The following ABLIM1 variants were observed in gnomAD, a reference collection of about 807,000 sequenced individuals.
ABLIM1 encodes actin binding LIM protein 1.
A neutral mutation model predicts 107.0 loss-of-function variants in ABLIM1; 40 were observed. The observed-to-expected ratio is 0.37, with a 90% CI of 0.29 to 0.49. The LOEUF (loss-of-function observed/expected upper bound fraction) is 0.49, where lower values mean the gene tolerates loss of function less well. ABLIM1 is among the 20% of genes least tolerant of loss of function. ABLIM1 has a pLI of 0.97. For synonymous variants in ABLIM1, 357 were observed against 357.3 expected, an observed-to-expected ratio of 1.00 and a Z score of 0.01; for missense variants, 857 against 1,008.5, an observed-to-expected ratio of 0.85 and a Z score of 2.04.
rs140129654 is a variant in ABLIM1, at chr10:114,583,468, CATATATATAT to C, written c.380-7879_380-7870del. Among the ~76,000 whole-genome samples the C allele has an allele frequency of 6.8e-3, 102 of 15,056 alleles. 2 individuals carry two copies. The highest frequency in any genetic ancestry group is 0.019 in the South Asian group (6 of 324). 9.9% of individuals were successfully genotyped at this position (15,056 alleles called of 152,430 possible). A position where few individuals can be genotyped will look rare whatever the true frequency, so the allele number is the denominator to read the frequency against. On this transcript the variant is annotated intron_variant, in intron 2 of 22. Transcript: ENST00000533213. ...ACACACACACACACACACACACACACATATATATATATATATATATATATATATATATATA... is the reference window on the plus strand; with the variant it reads ...ACACACACACACACACACACACACACATATATATATATATATATATATATA...
intron 1 of ABLIM1, among the ~76,000 whole-genome samples, chr10:114,723,698 G>A (rs1288102851): frequency 6.6e-6 from 1 of 152,182 alleles, no homozygotes; most frequent in African/African-American, 2.4e-5. Flanking sequence ...GTGTTTCAGT[G>A]GAAAAGTATG....
rs190542680 is a variant in ABLIM1, at chr10:114,469,858, A to G, written c.1276-1642T>C. The stretch of plus-strand genomic sequence containing the variant: ...ATAGAAATGAAATTCAAACAGAGCT[A>G]TGGAGAACACAGCCAGGGGTGGACT... On this transcript the variant is annotated intron_variant, in intron 10 of 22. Transcript: ENST00000533213. Among the ~76,000 whole-genome samples the G allele has an allele frequency of 9.8e-5, 15 of 152,372 alleles. No individual in the cohort carries two copies. The East Asian group carries it at 2.7e-3, about 27-fold the overall frequency.
At chr10:114,725,735 A>ATGTGTGTGTGTG (rs3981295) in intron 1 of ABLIM1, among the ~76,000 whole-genome samples, 6 of 142,266 alleles carry the variant, frequency 4.2e-5, no homozygotes, top group African/African-American at 1.6e-4. Context: ...TATATATAAA[A>ATGTGTGTGTGTG]TGTGTGTGTG....
chr10:114,795,512 G>A, the ABLIM1 span, among the ~76,000 whole-genome samples: 3 of 152,086 alleles, frequency 2.0e-5, no homozygotes, highest in African/African-American at 7.2e-5. Flanking sequence ...TTTGAGACCA[G>A]CCTGGCCAAA....
intron 1 of ABLIM1, among the ~76,000 whole-genome samples, chr10:114,725,697 T>G (rs1465819712): frequency 6.6e-6 from 1 of 150,638 alleles, no homozygotes; most frequent in Non-Finnish European, 1.5e-5. Flanking sequence ...TACCGTTCAC[T>G]ATATATAATA....
chr10:114,487,929 C>T, intron 8 of ABLIM1, 29 bp downstream of exon 8: 1 of 1,613,054 alleles, frequency 6.2e-7, no homozygotes, highest in Non-Finnish European at 8.5e-7. Flanking sequence ...ACAAATGCAG[C>T]TGGCATCATG....
chr10:114,721,591 C>G (rs1009708192), intron 1 of ABLIM1, among the ~76,000 whole-genome samples: 2 of 152,120 alleles, frequency 1.3e-5, no homozygotes, highest in African/African-American at 4.8e-5. Flanking sequence ...AAATGATTCT[C>G]CTGCCTCAGC....
chr10:114,675,449 C>A (rs2080438312), intron 1 of ABLIM1, among the ~76,000 whole-genome samples: 1 of 152,170 alleles, frequency 6.6e-6, no homozygotes, highest in South Asian at 2.1e-4. Flanking sequence ...CTCTTGCCTG[C>A]CTCCATGTAA....
intron 6 of ABLIM1, among the ~76,000 whole-genome samples, chr10:114,525,864 A>AT (rs1006535290): frequency 1.4e-4 from 22 of 152,106 alleles, no homozygotes; most frequent in African/African-American, 5.1e-4. Flanking sequence ...TCATAAATCT[A>AT]TTTTTTTCAC....
At chr10:114,581,135 G>T (rs759895723) in intron 2 of ABLIM1, among the ~76,000 whole-genome samples, 9 of 152,062 alleles carry the variant, frequency 5.9e-5, no homozygotes, top group Non-Finnish European at 8.8e-5. Flanking sequence ...GTACATCCAA[G>T]AAATTTTATA....
intron 6 of ABLIM1, among the ~76,000 whole-genome samples, chr10:114,492,205 C>A (rs1327205137): frequency 6.6e-6 from 1 of 152,030 alleles, no homozygotes; most frequent in Non-Finnish European, 1.5e-5. Context: ...CTCCCCAAAA[C>A]CCCACCTTGT....
At chr10:114,459,051 T>A (rs1375199667) in intron 12 of ABLIM1, among the ~76,000 whole-genome samples, 2 of 152,210 alleles carry the variant, frequency 1.3e-5, no homozygotes, top group Non-Finnish European at 2.9e-5. Flanking sequence ...GCATCTCAGC[T>A]TTACAACCAT....
the ABLIM1 span, among the ~76,000 whole-genome samples, chr10:114,777,612 T>C: frequency 5.9e-5 from 9 of 152,242 alleles, no homozygotes; most frequent in African/African-American, 2.2e-4. Flanking sequence ...GATATTTCAC[T>C]CTGCCTCTCT....
the ABLIM1 span, among the ~76,000 whole-genome samples, chr10:114,794,427 T>C: frequency 6.6e-6 from 1 of 152,198 alleles, no homozygotes; most frequent in South Asian, 2.1e-4. Context: ...CAGTAAGTTT[T>C]GCTGAATGAA....
At chr10:114,762,977 C>T (rs2142642399) in intron 1 of ABLIM1, among the ~76,000 whole-genome samples, 1 of 152,324 alleles carries the variant, frequency 6.6e-6, no homozygotes, top group South Asian at 2.1e-4. Context: ...GTTAGCAAAA[C>T]TGGTCTAAGA....
At chr10:114,557,835 C>CT (rs2068991140) in intron 4 of ABLIM1, among the ~76,000 whole-genome samples, 1 of 31,064 alleles carries the variant, frequency 3.2e-5, no homozygotes, top group Non-Finnish European at 5.8e-5. Context: ...CCTTATGACT[C>CT]TCAAAAAAAA....
At chr10:114,451,271 T>G (rs2061847785) in intron 14 of ABLIM1, among the ~76,000 whole-genome samples, 1 of 152,190 alleles carries the variant, frequency 6.6e-6, no homozygotes, top group South Asian at 2.1e-4. Context: ...TAAATTAGTC[T>G]CATCAAAATT....
the ABLIM1 span, among the ~76,000 whole-genome samples, chr10:114,796,208 C>T: frequency 6.6e-6 from 1 of 152,204 alleles, no homozygotes; most frequent in South Asian, 2.1e-4. Context: ...AAACAACAAA[C>T]ATATTATCTC....
chr10:114,542,268 G>C (rs949285853), intron 6 of ABLIM1, among the ~76,000 whole-genome samples: 15 of 151,912 alleles, frequency 9.9e-5, no homozygotes, highest in South Asian at 4.2e-4. Flanking sequence ...AAAATCAGTT[G>C]GGTGTGATGG....
Sources: allele counts gnomAD v4.1 joint callset (sites outside exome capture counted in the v4.1 genomes callset), GRCh38; gene constraint gnomAD v4.1.1; transcripts MANE v1.5; gene names NCBI Gene and HGNC (gene_info 2026-07-23, HGNC 2026-07-21).